SDCCAG8: variants seen among roughly 807,000 people sequenced by gnomAD.
SDCCAG8 encodes serologically defined colon cancer antigen 8.
A neutral mutation model predicts 101.8 loss-of-function variants in SDCCAG8; 74 were observed. The observed-to-expected ratio is 0.73, with a 90% CI of 0.60 to 0.88. The LOEUF (loss-of-function observed/expected upper bound fraction) is 0.88. SDCCAG8 is among the 40% of genes least tolerant of loss of function. The pLI, the probability that SDCCAG8 is intolerant of heterozygous loss-of-function variation, is 0.00. For synonymous variants in SDCCAG8, 281 were observed against 292.9 expected (o/e 0.96, Z 0.41); for missense variants, 787 against 822.6 (o/e 0.96, Z 0.53).
chr1:243,427,066 GT>G (rs1423057352), intron 16 of SDCCAG8, among the ~76,000 whole-genome samples: 3 of 152,142 alleles, frequency 2.0e-5, no homozygotes, highest in African/African-American at 7.2e-5. Context: ...CTGAGTGACT[GT>G]TTCTTCACCT....
intron 13 of SDCCAG8, among the ~76,000 whole-genome samples, chr1:243,400,595 G>T (rs2079319320): frequency 6.6e-6 from 1 of 152,142 alleles, no homozygotes; most frequent in Non-Finnish European, 1.5e-5. Context: ...AGTTAGCTGT[G>T]CCAGAGTCAC....
chr1:243,498,952 A>C (rs567334516), intron 17 of SDCCAG8, among the ~76,000 whole-genome samples: 1 of 152,388 alleles, frequency 6.6e-6, no homozygotes, highest in Non-Finnish European at 1.5e-5. Flanking sequence ...TTCACAATCT[A>C]GAGGGCGAGG....
chr1:243,268,871 T>C (rs1333199103), intron 1 of SDCCAG8, among the ~76,000 whole-genome samples: 10 of 152,112 alleles, frequency 6.6e-5, no homozygotes, highest in Non-Finnish European at 1.3e-4. Flanking sequence ...CCTCTGGTGC[T>C]GGAGTCCTCT....
chr1:243,384,770 G>A (rs376393141), intron 13 of SDCCAG8, among the ~76,000 whole-genome samples: 8 of 151,610 alleles, frequency 5.3e-5, no homozygotes, highest in Middle Eastern at 3.2e-3. Flanking sequence ...TAGCATGACC[G>A]CATCTCTGGG....
In SDCCAG8 at chr1:243,414,340, G is replaced by T. The variant is rs181032322; in HGVS notation, c.1617-1362G>T. 4.9e-3 allele frequency among the ~76,000 whole-genome samples: 743 copies of T among 152,186 alleles called. 5 individuals carry two copies. Among genetic ancestry groups the T allele is most frequent in the Non-Finnish European group, 8.5e-3 (581 of 67,980 alleles). Reference sequence around the variant, plus strand: ...CCAGAAAATACATGGTGTGACTGGGGAGGCAAAAAGTAGCCTAGTCTGACT... The same window carrying T: ...CCAGAAAATACATGGTGTGACTGGGTAGGCAAAAAGTAGCCTAGTCTGACT... On this transcript the variant is annotated intron_variant, in intron 13 of 17. Transcript: ENST00000366541.
intron 16 of SDCCAG8, among the ~76,000 whole-genome samples, chr1:243,446,394 G>A (rs2082908960): frequency 6.6e-6 from 1 of 152,114 alleles, no homozygotes; most frequent in Admixed American, 6.5e-5. Flanking sequence ...AGCCTCCCGA[G>A]TAGCTGGGAC....
chr1:243,437,784 C>T (rs981065047), intron 16 of SDCCAG8, among the ~76,000 whole-genome samples: 3 of 152,116 alleles, frequency 2.0e-5, no homozygotes, highest in Non-Finnish European at 2.9e-5. Context: ...GTGATCCGCC[C>T]GCCTCGGCCT....
At chr1:243,265,470 C>A (rs778124811) in intron 1 of SDCCAG8, among the ~76,000 whole-genome samples, 1 of 152,144 alleles carries the variant, frequency 6.6e-6, no homozygotes, top group Non-Finnish European at 1.5e-5. Flanking sequence ...GTTATAAATT[C>A]TAAAAGATTA....
intron 1 of SDCCAG8, among the ~76,000 whole-genome samples, chr1:243,258,679 T>C (rs1412278314): frequency 6.6e-6 from 1 of 152,178 alleles, no homozygotes; most frequent in African/African-American, 2.4e-5. Context: ...TCTGGGGTTA[T>C]AGGCGTGAGC....
intron 16 of SDCCAG8, among the ~76,000 whole-genome samples, chr1:243,439,622 T>TCACA (rs60044857): frequency 0.094 from 11,336 of 120,022 alleles, 611 homozygotes; most frequent in East Asian, 0.18. Flanking sequence ...TGAGACTCCA[T>TCACA]CACACACACA....
chr1:243,407,576 G>A (rs1317100893), intron 13 of SDCCAG8, among the ~76,000 whole-genome samples: 1 of 152,186 alleles, frequency 6.6e-6, no homozygotes, highest in Non-Finnish European at 1.5e-5. Context: ...ATTGTCTTTT[G>A]CCTTGAAGGT....
chr1:243,480,848 G>GGA (rs1663581006), intron 16 of SDCCAG8, among the ~76,000 whole-genome samples: 7 of 41,174 alleles, frequency 1.7e-4, no homozygotes, highest in African/African-American at 3.4e-4. Context: ...GATGGGTGGG[G>GGA]TGGATGGATG....
At chr1:243,256,269 C>T in intron 1 of SDCCAG8, 29 bp downstream of exon 1, 1 of 1,598,052 alleles carries the variant, frequency 6.3e-7, no homozygotes, top group Non-Finnish European at 8.6e-7. Flanking sequence ...CTGTCCCTAG[C>T]CCCGAGGTGC....
chr1:243,275,957 T>G (rs2068530693), intron 4 of SDCCAG8, among the ~76,000 whole-genome samples: 1 of 144,610 alleles, frequency 6.9e-6, no homozygotes, highest in Non-Finnish European at 1.5e-5. Flanking sequence ...TCCGACTCCC[T>G]GGTTCAAGCT....
intron 8 of SDCCAG8, among the ~76,000 whole-genome samples, chr1:243,309,189 G>A (rs529491138): frequency 9.2e-5 from 14 of 152,306 alleles, no homozygotes; most frequent in Admixed American, 5.9e-4. Context: ...GTGACCAGAA[G>A]TACTGCTTTT....
chr1:243,489,196 A>C, intron 17 of SDCCAG8, 56 bp downstream of exon 17: 2 of 1,596,238 alleles, frequency 1.3e-6, no homozygotes, highest in Non-Finnish European at 1.7e-6. Context: ...CTACAGGTGG[A>C]TCTTTTATGC....
chr1:243,359,161 G>GT lies in SDCCAG8; in HGVS notation c.1473+14832dup, dbSNP rs1264606497. Among the ~76,000 whole-genome samples the GT allele has an allele frequency of 6.6e-5, 10 of 152,276 alleles. No individual in the cohort carries two copies. In the East Asian group the frequency reaches 1.9e-3, roughly 29 times the overall value. ...CCTCCTTCCTCTTGGTGACTAGAGT[G>GT]TTAGCACGTCAGTCCAATTCTGAAG... On this transcript the variant is annotated intron_variant, in intron 12 of 17. Coordinates refer to ENST00000366541, the MANE Select transcript of SDCCAG8 (RefSeq NM_006642.5).
At chr1:243,300,655 A>C (rs2071407899) in intron 6 of SDCCAG8, among the ~76,000 whole-genome samples, 1 of 152,296 alleles carries the variant, frequency 6.6e-6, no homozygotes, top group Middle Eastern at 3.4e-3. Context: ...TTACTTTCCA[A>C]ACATGGTTTG....
At chr1:243,473,919 CG>C (rs1460893006) in intron 16 of SDCCAG8, among the ~76,000 whole-genome samples, 1 of 3,446 alleles carries the variant, frequency 2.9e-4, no homozygotes, top group Non-Finnish European at 7.8e-4. Context: ...GGAGAGTTGC[CG>C]GCGGGGGGGG....
Sources: allele counts gnomAD v4.1 joint callset (sites outside exome capture counted in the v4.1 genomes callset), GRCh38; gene constraint gnomAD v4.1.1; transcripts MANE v1.5; gene names NCBI Gene and HGNC (gene_info 2026-07-23, HGNC 2026-07-21).